Variants in BACE2 observed in about 807,000 individuals in gnomAD.
BACE2 encodes 56 kDa aspartic-like protease.
Under a neutral mutation model 46.2 loss-of-function variants are expected in BACE2, and 17 were observed. That is an observed-to-expected ratio of 0.37 (90% CI 0.25 to 0.55). BACE2 has a LOEUF of 0.55. Ranked by LOEUF, BACE2 falls within the 20% of genes least tolerant of loss-of-function variation. The probability of loss-of-function intolerance (pLI) is 0.82; values close to 1 mark genes in which losing one functional copy is unlikely to be tolerated. For missense variants in BACE2, 595 were observed against 698.1 expected, an observed-to-expected ratio of 0.85 and a Z score of 1.66; for synonymous variants, 277 against 295.9, an observed-to-expected ratio of 0.94 and a Z score of 0.66.
intron 1 of BACE2, among the ~76,000 whole-genome samples, chr21:41,217,331 C>G (rs906125071): frequency 6.6e-6 from 1 of 152,208 alleles, no homozygotes; most frequent in African/African-American, 2.4e-5. Flanking sequence ...TGTTTCTTGC[C>G]TAACATCCAC....
At chr21:41,232,930 A>G (rs766256795) in intron 2 of BACE2, among the ~76,000 whole-genome samples, 10 of 146,310 alleles carry the variant, frequency 6.8e-5, no homozygotes, top group Non-Finnish European at 1.0e-4. Context: ...GTGCAGTGGC[A>G]CGATATCGGC....
Position 41,192,418 on chromosome 21 carries a change from A to G in BACE2, c.312+23843A>G, listed in dbSNP as rs112936685. On this transcript the variant is annotated intron_variant, in intron 1 of 8. Coordinates refer to ENST00000330333, the MANE Select transcript of BACE2 (RefSeq NM_012105.5). ...ATTTGATGATGGAATGCTGCTGTGC[A>G]TGACCCACTTTATGGCTAGATGGGT... Among the ~76,000 whole-genome samples the G allele has an allele frequency of 7.7e-3, 1,175 of 152,292 alleles. 11 individuals carry two copies. Among genetic ancestry groups the G allele is most frequent in the African/African-American group, 0.026 (1,093 of 41,560 alleles).
intron 8 of BACE2, among the ~76,000 whole-genome samples, chr21:41,258,500 T>C (rs367670388): frequency 6.6e-5 from 10 of 152,312 alleles, no homozygotes; most frequent in African/African-American, 2.4e-4. Context: ...AGCTGAATTA[T>C]TCCAGGAGGG....
intron 1 of BACE2, chr21:41,184,713 C>G (rs1379530507): frequency 6.0e-6 from 1 of 166,990 alleles, no homozygotes; most frequent in Non-Finnish European, 1.5e-5. Flanking sequence ...GGCGAGAACC[C>G]CCACTCAGGA....
chr21:41,275,445 G>T lies in BACE2; in HGVS notation c.1378G>T (p.Ala460Ser). ...TEDVASNCVP[A>S]QSLSEPILWI... Reference sequence around the variant, plus strand: ...GGATGTAGCCAGCAACTGTGTCCCCGCTCAGTCTTTGAGCGAGCCCATTTT... The same window carrying T: ...GGATGTAGCCAGCAACTGTGTCCCCTCTCAGTCTTTGAGCGAGCCCATTTT... Residue 460 changes from alanine to serine, a missense_variant, in exon 9 of 9, where the codon GCT becomes TCT. Coordinates refer to ENST00000330333, the MANE Select transcript of BACE2 (RefSeq NM_012105.5). 6.2e-7 allele frequency: 1 copy of T among 1,614,076 alleles called. No homozygotes were observed. Among genetic ancestry groups the T allele is most frequent in the Non-Finnish European group, 8.5e-7 (1 of 1,180,016 alleles).
intron 3 of BACE2, among the ~76,000 whole-genome samples, chr21:41,239,293 G>T (rs1601297171): frequency 6.6e-6 from 1 of 152,216 alleles, no homozygotes; most frequent in Non-Finnish European, 1.5e-5. Flanking sequence ...GAAGATACAA[G>T]ATAAGATGTG....
intron 8 of BACE2, among the ~76,000 whole-genome samples, chr21:41,260,006 AT>A (rs1166477241): frequency 6.6e-6 from 1 of 150,594 alleles, no homozygotes; most frequent in Non-Finnish European, 1.5e-5. Context: ...AATTTTTTGT[AT>A]TTTCTCTAGA....
Position 41,280,620 on chromosome 21 carries a change from G to A in BACE2, c.*4996G>A, listed in dbSNP as rs909068284. 6.6e-6 allele frequency: 1 copy of A among 152,302 alleles called. No individual in the cohort carries two copies. The highest frequency in any genetic ancestry group is 2.4e-5 in the African/African-American group (1 of 41,466). 9.4% of individuals were successfully genotyped at this position (152,302 alleles called of 1,614,324 possible). ...GCTTTCAGACGTGAGCAGGCTCCCTGGGCTCTTGGTGTCACCCTGTTAGCC... is the reference window on the plus strand; with the variant it reads ...GCTTTCAGACGTGAGCAGGCTCCCTAGGCTCTTGGTGTCACCCTGTTAGCC... On this transcript the variant is annotated 3_prime_UTR_variant, in exon 9 of 9. Coordinates refer to ENST00000330333, the MANE Select transcript of BACE2 (RefSeq NM_012105.5).
At chr21:41,170,113 G>A in intron 1 of BACE2, among the ~76,000 whole-genome samples, 1 of 152,000 alleles carries the variant, frequency 6.6e-6, no homozygotes, top group East Asian at 1.9e-4. Context: ...AATGTGGGTG[G>A]TCTGAGGGCT....
Position 41,168,205 on chromosome 21 carries a change from G to A in BACE2, c.-59G>A. ...GCGCCGGCCGAGTCGCTGAGCCGCG[G>A]CTGCCGGACGGGACGGGACCGGCTA... On this transcript the variant is annotated 5_prime_UTR_variant, in exon 1 of 9. Coordinates refer to ENST00000330333, the MANE Select transcript of BACE2 (RefSeq NM_012105.5). 1 of 1,008,948 alleles carries A rather than the reference G, an allele frequency of 9.9e-7. No individual in the cohort carries two copies. The highest frequency in any genetic ancestry group is 6.3e-5 in the East Asian group (1 of 15,802). 62.5% of individuals were successfully genotyped at this position (1,008,948 alleles called of 1,614,324 possible). A position where few individuals can be genotyped will look rare whatever the true frequency, so the allele number is the denominator to read the frequency against.
intron 1 of BACE2, among the ~76,000 whole-genome samples, chr21:41,207,772 GGCT>G (rs1373884070): frequency 1.3e-5 from 2 of 152,188 alleles, no homozygotes; most frequent in Non-Finnish European, 2.9e-5. Flanking sequence ...GTTGGAGTGA[GGCT>G]GCTTACGGCT....
intron 2 of BACE2, 24 bp from the exon 3 acceptor site, chr21:41,237,489 T>C: frequency 6.7e-7 from 1 of 1,481,912 alleles, no homozygotes; most frequent in Non-Finnish European, 9.3e-7. Context: ...ATGAATACAA[T>C]ATGCTTTTCT....
intron 1 of BACE2, chr21:41,179,710 C>A: frequency 1.6e-6 from 2 of 1,246,346 alleles, no homozygotes; most frequent in Non-Finnish European, 2.1e-6. Flanking sequence ...TGCTTCCCTG[C>A]TTACAGGCAA....
At position 41,275,860 on chromosome 21, in the gene BACE2, A is replaced by C; in HGVS notation, c.*236A>C. ...AAAAAAAACTTCATTCTAAACCAAA[A>C]CAGAGTGGATTGGGCTGCAGGCTCT... On this transcript the variant is annotated 3_prime_UTR_variant, in exon 9 of 9. Coordinates refer to ENST00000330333, the MANE Select transcript of BACE2 (RefSeq NM_012105.5). 10 of 548,670 alleles carry C rather than the reference A, an allele frequency of 1.8e-5. No individual in the cohort carries two copies. Among genetic ancestry groups the C allele is most frequent in the East Asian group, 3.3e-5 (1 of 30,288 alleles). The allele number at this position is 548,670 out of a possible 1,614,324, so 34.0% of individuals were successfully genotyped here.
chr21:41,168,186 G>T lies in BACE2; in HGVS notation c.-78G>T, dbSNP rs1344065580. 3.4e-6 allele frequency: 3 copies of T among 876,632 alleles called. No individual in the cohort carries two copies. The Admixed American group carries it at 1.7e-4, about 49-fold the overall frequency. The allele number at this position is 876,632 out of a possible 1,614,324, so 54.3% of individuals were successfully genotyped here. A position where few individuals can be genotyped will look rare whatever the true frequency, so the allele number is the denominator to read the frequency against. On this transcript the variant is annotated 5_prime_UTR_variant, in exon 1 of 9. Transcript: ENST00000330333. The stretch of plus-strand genomic sequence containing the variant: ...TCCCTGCCCGCAGCCCCGCGCGCCG[G>T]CCGAGTCGCTGAGCCGCGGCTGCCG...
At chr21:41,222,132 C>T (rs972234189) in intron 1 of BACE2, among the ~76,000 whole-genome samples, 1 of 152,176 alleles carries the variant, frequency 6.6e-6, no homozygotes, top group African/African-American at 2.4e-5. Context: ...TCAGTGTTTG[C>T]ATCTGTGACG....
chr21:41,199,035 C>T (rs1327512348), intron 1 of BACE2, among the ~76,000 whole-genome samples: 1 of 122,482 alleles, frequency 8.2e-6, no homozygotes, highest in Admixed American at 9.3e-5. Context: ...CCCCACCCCA[C>T]GACAGGCCCC....
chr21:41,178,054 A>T (rs1479084544), intron 1 of BACE2: 9 of 152,244 alleles, frequency 5.9e-5, no homozygotes, highest in Non-Finnish European at 1.2e-4. Flanking sequence ...CTGTGGGTGG[A>T]GACTGGAAGT....
intron 2 of BACE2, among the ~76,000 whole-genome samples, chr21:41,228,168 C>T (rs756464956): frequency 1.3e-5 from 2 of 152,194 alleles, no homozygotes; most frequent in Non-Finnish European, 2.9e-5. Context: ...AGTGCCCTGA[C>T]GTCATATGGG....
Sources: gnomAD v4.1 joint callset for allele counts (sites outside exome capture counted in the v4.1 genomes callset) on GRCh38, gnomAD v4.1.1 for gene constraint, MANE v1.5 for transcripts, NCBI Gene and HGNC (gene_info 2026-07-23, HGNC 2026-07-21) for gene names.